SYCP2: variants seen among roughly 807,000 people sequenced by gnomAD.
SYCP2 encodes synaptonemal complex lateral element protein.
A neutral mutation model predicts 211.3 loss-of-function variants in SYCP2; 55 were observed. The observed-to-expected ratio is 0.26, with a 90% CI of 0.21 to 0.33. The LOEUF (loss-of-function observed/expected upper bound fraction) is 0.33. Among genes scored for constraint, SYCP2 ranks in the 10% least tolerant of loss-of-function variants. SYCP2 has a pLI of 1.00. For missense variants in SYCP2, 1,731 were observed against 1,752.0 expected (o/e 0.99, Z 0.21); for synonymous variants, 570 against 555.2 (o/e 1.03, Z -0.37).
Position 59,892,577 on chromosome 20 carries a change from A to C in SYCP2, c.1918T>G (p.Leu640Val). Residue 640 changes from leucine (L) to valine (V), a missense_variant, in exon 23 of 45, where the codon TTG becomes GTG. Physicochemically the swap from Leu to Val is conservative, Grantham distance 32. Transcript: ENST00000357552. ...QRASTSSGDT[L>V]NQDIVINKKL... Reference sequence around the variant, plus strand: ...TAAAACTAAGTTTCACCTTGATTCAATGTGTCTCCTGACGAAGTACTTGCT... The same window carrying C: ...TAAAACTAAGTTTCACCTTGATTCACTGTGTCTCCTGACGAAGTACTTGCT... 4 of 1,604,470 alleles carry C rather than the reference A, an allele frequency of 2.5e-6. No individual in the cohort carries two copies. Among genetic ancestry groups the C allele is most frequent in the Non-Finnish European group, 2.5e-6 (3 of 1,176,604 alleles).
At chr20:59,893,249 A>AG in intron 21 of SYCP2, 50 bp from the exon 22 acceptor site, 1 of 1,230,038 alleles carries the variant, frequency 8.1e-7, no homozygotes. Context: ...TGCAGTTGGC[A>AG]GGGGGATAGG....
intron 15 of SYCP2, among the ~76,000 whole-genome samples, chr20:59,902,091 T>C (rs758337228): frequency 2.6e-5 from 4 of 152,126 alleles, no homozygotes; most frequent in Non-Finnish European, 5.9e-5. Flanking sequence ...AAATTCTTAA[T>C]AAAATATTCC....
intron 20 of SYCP2, among the ~76,000 whole-genome samples, chr20:59,894,817 G>A (rs915677862): frequency 2.0e-5 from 3 of 152,020 alleles, no homozygotes; most frequent in Non-Finnish European, 4.4e-5. Context: ...GTTTCTCCAA[G>A]AAACTATTCT....
chr20:59,926,362 G>A (rs985477178), intron 2 of SYCP2, among the ~76,000 whole-genome samples: 2 of 151,976 alleles, frequency 1.3e-5, no homozygotes, highest in African/African-American at 4.8e-5. Flanking sequence ...GAAAGTGCTG[G>A]AAGAAGGATC....
intron 24 of SYCP2, 60 bp downstream of exon 24, chr20:59,891,925 CTTTCT>C: frequency 7.3e-7 from 1 of 1,369,696 alleles, no homozygotes; most frequent in Non-Finnish European, 9.9e-7. Flanking sequence ...AAGTTTCTTT[CTTTCT>C]TATGTTATCA....
chr20:59,916,228 T>C (rs1385447364), intron 8 of SYCP2, among the ~76,000 whole-genome samples: 1 of 152,204 alleles, frequency 6.6e-6, no homozygotes, highest in Non-Finnish European at 1.5e-5. Flanking sequence ...CAGATTATTT[T>C]TAGCATTTAA....
intron 35 of SYCP2, among the ~76,000 whole-genome samples, chr20:59,872,482 T>G (rs2059471643): frequency 6.6e-6 from 1 of 151,884 alleles, no homozygotes; most frequent in Non-Finnish European, 1.5e-5. Flanking sequence ...TGTAGTGTAT[T>G]GTTATAGTTG....
Position 59,865,797 on chromosome 20 carries a change from T to C in SYCP2, c.4379+10A>G. The C allele has an allele frequency of 7.3e-7, 1 of 1,366,810 alleles. No homozygotes were observed. The highest frequency in any genetic ancestry group is 9.7e-7 in the Non-Finnish European group (1 of 1,028,410). The allele number at this position is 1,366,810 out of a possible 1,614,324, so 84.7% of individuals were successfully genotyped here. On this transcript the variant is annotated intron_variant, in intron 42 of 44. Coordinates refer to ENST00000357552, the MANE Select transcript of SYCP2 (RefSeq NM_014258.4). ...TTATAGATTATAGCCATTAAGAATG[T>C]CATACTAACCTCTGTTGTTCGCTTT...
At chr20:59,910,736 G>C (rs183431825) in intron 14 of SYCP2, among the ~76,000 whole-genome samples, 82 of 151,038 alleles carry the variant, frequency 5.4e-4, no homozygotes, top group African/African-American at 1.9e-3. Context: ...TGGTGCAAAA[G>C]TAATTGCAGT....
rs190826920 is a variant in SYCP2 at position 59,892,273 on chromosome 20, T to C, written c.2081A>G (p.Asn694Ser). 9 of 1,612,734 alleles carry C rather than the reference T, an allele frequency of 5.6e-6. No individual in the cohort carries two copies. Among genetic ancestry groups the C allele is most frequent in the Middle Eastern group, 1.7e-4 (1 of 6,044 alleles). Residue 694 changes from asparagine (N) to serine (S), a missense_variant, in exon 24 of 45, where the codon AAT (asparagine) becomes AGT (serine). Asn to Ser is a conservative substitution (Grantham distance 46, BLOSUM62 1). Around this residue, in one of 3 missense-constraint regions of SYCP2, gnomAD observed 1,387 missense variants for 1,351.3 expected, o/e 1.03. Transcript: ENST00000357552. The stretch of plus-strand genomic sequence containing the variant: ...ATATTTAGGATGATTTTGTTGCTGA[T>C]TGTGTTTCTTGCAAACTTCTACTTC... ...KAEVEVCKKH[N>S]QQQNHPKYSG... is the part of the protein sequence containing the mutation.
At position 59,911,810 on chromosome 20, in the gene SYCP2, A is replaced by G. The variant is rs751461582; in HGVS notation, c.912T>C (p.Phe304=). Reference sequence around the variant, plus strand: ...GACTCCCAAGATTAAAATCAATCCAAAATTCCTCAAGTTTTTCATCTGATG... The same window carrying G: ...GACTCCCAAGATTAAAATCAATCCAGAATTCCTCAAGTTTTTCATCTGATG... ...QIPSDEKLEE[F]WIDFNLGSQT... Residue 304 remains phenylalanine (F), a synonymous_variant, in exon 14 of 45, where the codon TTT becomes TTC. Transcript: ENST00000357552. The G allele has an allele frequency of 6.3e-7, 1 of 1,588,610 alleles. No individual in the cohort carries two copies. The highest frequency in any genetic ancestry group is 8.6e-7 in the Non-Finnish European group (1 of 1,164,948).
chr20:59,921,088 C>G (rs963211989), intron 4 of SYCP2, among the ~76,000 whole-genome samples: 1 of 151,420 alleles, frequency 6.6e-6, no homozygotes, highest in African/African-American at 2.4e-5. Context: ...CCCTTGTGAA[C>G]ACATATTTTT....
chr20:59,892,757 A>C (rs910987548), intron 22 of SYCP2, 56 bp from the exon 23 acceptor site: 2 of 1,517,108 alleles, frequency 1.3e-6, no homozygotes, highest in African/African-American at 2.8e-5. Flanking sequence ...TGACTTTAAG[A>C]CCTTGATTTT....
chr20:59,911,946 A>G (rs1279187159), intron 13 of SYCP2, 101 bp from the exon 14 acceptor site: 2 of 483,612 alleles, frequency 4.1e-6, no homozygotes, highest in Non-Finnish European at 7.3e-6. Context: ...ACAAAGCTAG[A>G]AGGAGAGAGA....
chr20:59,920,997 T>C (rs2060531358), intron 4 of SYCP2, among the ~76,000 whole-genome samples: 1 of 151,672 alleles, frequency 6.6e-6, no homozygotes, highest in African/African-American at 2.4e-5. Flanking sequence ...GATAGGTTTT[T>C]TTTAAAAATC....
chr20:59,929,440 T>C (rs2060692917), intron 2 of SYCP2, among the ~76,000 whole-genome samples: 2 of 152,132 alleles, frequency 1.3e-5, no homozygotes, highest in South Asian at 4.1e-4. Flanking sequence ...AAAGGGAATA[T>C]AAAAATATTT....
At chr20:59,895,996 G>T (rs183032115) in intron 19 of SYCP2, among the ~76,000 whole-genome samples, 13 of 151,874 alleles carry the variant, frequency 8.6e-5, no homozygotes, top group Non-Finnish European at 1.9e-4. Context: ...GTTTCACTAG[G>T]TAACTTATTA....
chr20:59,879,776 C>A (rs370180570), intron 31 of SYCP2, among the ~76,000 whole-genome samples: 3 of 138,716 alleles, frequency 2.2e-5, no homozygotes, highest in African/African-American at 5.2e-5. Context: ...AAAAAGGATG[C>A]GTGTTGGGTG....
intron 2 of SYCP2, among the ~76,000 whole-genome samples, chr20:59,929,813 A>T (rs2060701163): frequency 6.6e-6 from 1 of 151,966 alleles, no homozygotes; most frequent in Non-Finnish European, 1.5e-5. Context: ...AACCCTAGGG[A>T]TAGGGAATAA....
Sources: allele counts gnomAD v4.1 joint callset (sites outside exome capture counted in the v4.1 genomes callset), GRCh38; gene constraint gnomAD v4.1.1; regional missense constraint gnomAD v4.1.1; transcripts MANE v1.5; gene names NCBI Gene and HGNC (gene_info 2026-07-23, HGNC 2026-07-21).